ANK2: variants seen among roughly 807,000 people sequenced by gnomAD.
The protein encoded by ANK2 is ankyrin 2.
Under a neutral mutation model 360.5 loss-of-function variants are expected in ANK2, and 83 were observed. The observed-to-expected ratio is 0.23, with a 90% CI of 0.19 to 0.28. The LOEUF is 0.28. Among genes scored for constraint, ANK2 ranks in the 10% least tolerant of loss-of-function variants. The pLI, the probability that ANK2 is intolerant of heterozygous loss-of-function variation, is 1.00. For missense variants in ANK2, 4,201 were observed against 4,795.7 expected (o/e 0.88, Z 3.66); for synonymous variants, 1,740 against 1,759.5 (o/e 0.99, Z 0.28).
intron 4 of ANK2, among the ~76,000 whole-genome samples, chr4:113,226,180 A>G (rs1167980369): frequency 6.6e-6 from 1 of 152,162 alleles, no homozygotes; most frequent in Non-Finnish European, 1.5e-5. Flanking sequence ...TCTGTTTTCC[A>G]ATGTATCCTC....
At chr4:113,027,029 A>C (rs2059421737) in intron 2 of ANK2, among the ~76,000 whole-genome samples, 1 of 152,024 alleles carries the variant, frequency 6.6e-6, no homozygotes, top group African/African-American at 2.4e-5. Flanking sequence ...GAGTGGAGGA[A>C]TCCATCTGTT....
chr4:113,139,834 G>A (rs1338131020), intron 1 of ANK2, among the ~76,000 whole-genome samples: 2 of 152,202 alleles, frequency 1.3e-5, no homozygotes, highest in Non-Finnish European at 2.9e-5. Flanking sequence ...CAGCAGTGTG[G>A]AATGAAAATA....
intron 1 of ANK2, chr4:112,881,692 G>T (rs146053099): frequency 0.018 from 9,030 of 500,092 alleles, 121 homozygotes; most frequent in Middle Eastern, 0.025. Context: ...CACAAACACA[G>T]TTCTCGAGTT....
At chr4:113,321,392 A>G (rs950561823) in intron 26 of ANK2, among the ~76,000 whole-genome samples, 1 of 152,256 alleles carries the variant, frequency 6.6e-6, no homozygotes, top group African/African-American at 2.4e-5. Context: ...TCAATTCACA[A>G]TAGTAACGTT....
intron 1 of ANK2, chr4:112,826,433 T>A (rs368405947): frequency 3.4e-5 from 36 of 1,054,908 alleles, no homozygotes; most frequent in South Asian, 3.3e-4. Context: ...CAGTAACTTT[T>A]GAAGAATCTT....
At position 112,827,349 on chromosome 4, in the gene ANK2, A is replaced by G; in HGVS notation, c.-40+9085A>G. The G allele has an allele frequency of 2.3e-6, 3 of 1,295,004 alleles. No individual in the cohort carries two copies. The South Asian group carries it at 3.6e-5, about 15-fold the overall frequency. 80.2% of individuals were successfully genotyped at this position (1,295,004 alleles called of 1,614,324 possible). On this transcript the variant is annotated intron_variant, in intron 1 of 30. Coordinates refer to the ANK2 transcript ENST00000503271. ...AAGCCAATGAGTTACAGCAACTGGA[A>G]CTTGAACAGATACAGCATAGAGATG...
the ANK2 span, among the ~76,000 whole-genome samples, chr4:112,732,070 A>C: frequency 6.6e-6 from 1 of 152,148 alleles, no homozygotes; most frequent in East Asian, 1.9e-4. Context: ...GGTGGCTTGA[A>C]ATCAGGTAGG....
At chr4:113,271,495 C>G (rs1474604193) in intron 14 of ANK2, among the ~76,000 whole-genome samples, 1 of 151,924 alleles carries the variant, frequency 6.6e-6, no homozygotes, top group Admixed American at 6.6e-5. Flanking sequence ...CACACACACA[C>G]ACACACACTT....
intron 2 of ANK2, among the ~76,000 whole-genome samples, chr4:112,904,924 G>T (rs2084691565): frequency 2.0e-5 from 3 of 152,060 alleles, no homozygotes; most frequent in African/African-American, 7.2e-5. Flanking sequence ...TTATAAAATT[G>T]ATTGCTATAA....
chr4:113,307,363 TCTC>T (rs1385577230), intron 23 of ANK2, among the ~76,000 whole-genome samples: 1 of 151,060 alleles, frequency 6.6e-6, no homozygotes, highest in Non-Finnish European at 1.5e-5. Flanking sequence ...TTTCAGAGAA[TCTC>T]CTTGTCAGCA....
At chr4:112,856,621 A>G (rs1317629910) in intron 1 of ANK2, among the ~76,000 whole-genome samples, 4 of 152,140 alleles carry the variant, frequency 2.6e-5, no homozygotes, top group Non-Finnish European at 5.9e-5. Flanking sequence ...CCAGCTACTC[A>G]GGAGGCTGAG....
intron 1 of ANK2, among the ~76,000 whole-genome samples, chr4:113,160,761 C>G (rs2097504824): frequency 6.6e-6 from 1 of 152,244 alleles, no homozygotes; most frequent in Non-Finnish European, 1.5e-5. Flanking sequence ...GAATTTGGAC[C>G]CCACTTGAGC....
chr4:113,322,634 A>C (rs1397970053), intron 26 of ANK2, among the ~76,000 whole-genome samples: 1 of 152,200 alleles, frequency 6.6e-6, no homozygotes, highest in Non-Finnish European at 1.5e-5. Context: ...AATTCATTAA[A>C]ATGTCCTACA....
intron 4 of ANK2, among the ~76,000 whole-genome samples, chr4:113,200,486 C>A (rs967689142): frequency 7.9e-5 from 12 of 152,266 alleles, no homozygotes; most frequent in African/African-American, 2.9e-4. Context: ...CTCCCCCTCC[C>A]CACTTTTAGA....
Position 113,267,597 on chromosome 4 carries a change from C to T in ANK2, c.1485+2602C>T, listed in dbSNP as rs186743444. On this transcript the variant is annotated intron_variant, in intron 14 of 45. Coordinates refer to ENST00000357077, the MANE Select transcript of ANK2 (RefSeq NM_001148.6). ...TTTTTTCTGAGGCCTCTGTTCTGTT[C>T]CATTGGTCTATATATCTGTTTTGGT... 2.1e-3 allele frequency among the ~76,000 whole-genome samples: 320 copies of T among 152,148 alleles called. 3 individuals are homozygous for T. Among genetic ancestry groups the T allele is most frequent in the African/African-American group, 7.5e-3 (311 of 41,490 alleles).
intron 2 of ANK2, among the ~76,000 whole-genome samples, chr4:112,991,353 C>A (rs1351522444): frequency 6.6e-6 from 1 of 151,956 alleles, no homozygotes; most frequent in Non-Finnish European, 1.5e-5. Flanking sequence ...GGTGCAAAAG[C>A]TTGGGGTATC....
chr4:113,242,274 C>A, intron 9 of ANK2, 65 bp downstream of exon 9: 1 of 1,354,252 alleles, frequency 7.4e-7, no homozygotes, highest in Non-Finnish European at 1.1e-6. Context: ...TAGAAGGCAC[C>A]TCAAGACACC....
the ANK2 span, among the ~76,000 whole-genome samples, chr4:112,706,155 C>G: frequency 6.6e-6 from 1 of 151,648 alleles, no homozygotes; most frequent in East Asian, 2.0e-4. Flanking sequence ...GATGGCTTCT[C>G]CCACCTCCCC....
At chr4:113,227,523 G>T (rs1214027318) in intron 4 of ANK2, among the ~76,000 whole-genome samples, 1 of 152,136 alleles carries the variant, frequency 6.6e-6, no homozygotes, top group Non-Finnish European at 1.5e-5. Flanking sequence ...TTAAAAAAAT[G>T]CTCATTTTTG....
Sources: gnomAD v4.1 joint callset for allele counts (sites outside exome capture counted in the v4.1 genomes callset) on GRCh38, gnomAD v4.1.1 for gene constraint, MANE v1.5 for transcripts, NCBI Gene and HGNC (gene_info 2026-07-23, HGNC 2026-07-21) for gene names.